LSAMP: variants seen among roughly 807,000 people sequenced by gnomAD.
LSAMP encodes limbic system-associated membrane protein.
In LSAMP, 7 loss-of-function variants were observed where a neutral mutation model predicts 38.6. The observed-to-expected ratio is 0.18, with a 90% CI of 0.10 to 0.34. The LOEUF is 0.34. Among genes scored for constraint, LSAMP ranks in the 10% least tolerant of loss-of-function variants. LSAMP has a pLI of 1.00. For synonymous variants in LSAMP, 154 were observed against 166.8 expected, an observed-to-expected ratio of 0.92 and a Z score of 0.59; for missense variants, 313 against 420.0, an observed-to-expected ratio of 0.75 and a Z score of 2.23.
intron 1 of LSAMP, among the ~76,000 whole-genome samples, chr3:116,164,682 T>TAA (rs1309056596): frequency 2.7e-4 from 32 of 119,472 alleles, no homozygotes; most frequent in Non-Finnish European, 3.9e-4. Context: ...TATATATATA[T>TAA]AATCCAAATA....
chr3:116,279,053 T>C (rs1436921733), intron 1 of LSAMP, among the ~76,000 whole-genome samples: 3 of 152,238 alleles, frequency 2.0e-5, no homozygotes, highest in African/African-American at 7.2e-5. Context: ...AACATTCTTT[T>C]TGCTAGTACT....
intron 1 of LSAMP, among the ~76,000 whole-genome samples, chr3:116,435,171 G>A (rs963060343): frequency 2.0e-5 from 3 of 152,172 alleles, no homozygotes; most frequent in Non-Finnish European, 4.4e-5. Flanking sequence ...TAACCTTCAA[G>A]TCATCCCTGG....
intron 3 of LSAMP, among the ~76,000 whole-genome samples, chr3:115,870,279 G>T (rs1004860364): frequency 6.6e-6 from 1 of 152,166 alleles, no homozygotes; most frequent in African/African-American, 2.4e-5. Flanking sequence ...GCTCTAACAT[G>T]CAAGTCTGAA....
chr3:115,870,023 A>G (rs1366374454), intron 3 of LSAMP, among the ~76,000 whole-genome samples: 1 of 152,098 alleles, frequency 6.6e-6, no homozygotes, highest in African/African-American at 2.4e-5. Flanking sequence ...TGCATTTTTA[A>G]AGTTAAAAAA....
intron 1 of LSAMP, among the ~76,000 whole-genome samples, chr3:116,269,768 G>GTTCT (rs2046944879): frequency 6.6e-6 from 1 of 152,096 alleles, no homozygotes; most frequent in African/African-American, 2.4e-5. Context: ...AAGGCACATG[G>GTTCT]TTCTTTGTTT....
intron 1 of LSAMP, among the ~76,000 whole-genome samples, chr3:116,338,976 G>A (rs548247226): frequency 2.0e-5 from 3 of 152,118 alleles, no homozygotes; most frequent in South Asian, 2.1e-4. Context: ...TAGTTTCAGC[G>A]AAGACTTTGT....
intron 6 of LSAMP, among the ~76,000 whole-genome samples, chr3:115,813,018 GTTATATAC>G (rs1316228163): frequency 1.3e-5 from 2 of 151,952 alleles, no homozygotes; most frequent in Non-Finnish European, 2.9e-5. Flanking sequence ...CAAAGTATAT[GTTATATAC>G]TTATATATGC....
intron 6 of LSAMP, among the ~76,000 whole-genome samples, chr3:115,830,120 A>G (rs1576120723): frequency 6.6e-6 from 1 of 152,216 alleles, no homozygotes; most frequent in Non-Finnish European, 1.5e-5. Flanking sequence ...GTAATTATCC[A>G]TGATTAATAG....
At chr3:116,084,483 C>T (rs529001335) in intron 2 of LSAMP, among the ~76,000 whole-genome samples, 8 of 148,194 alleles carry the variant, frequency 5.4e-5, no homozygotes, top group Middle Eastern at 3.5e-3. Flanking sequence ...CAAAAAAAAC[C>T]AAAAAACTCC....
At chr3:116,271,132 T>C (rs1257584102) in intron 1 of LSAMP, among the ~76,000 whole-genome samples, 1 of 152,090 alleles carries the variant, frequency 6.6e-6, no homozygotes, top group African/African-American at 2.4e-5. Context: ...GGAAATTAAT[T>C]CAAGACTTAA....
chr3:115,901,813 T>C (rs904456384), intron 3 of LSAMP, among the ~76,000 whole-genome samples: 9 of 152,154 alleles, frequency 5.9e-5, no homozygotes, highest in Non-Finnish European at 2.9e-5. Context: ...AATATCACAC[T>C]TTACAAGTAA....
chr3:116,068,197 T>A (rs1256556905), intron 2 of LSAMP, among the ~76,000 whole-genome samples: 1 of 152,216 alleles, frequency 6.6e-6, no homozygotes, highest in Admixed American at 6.5e-5. Context: ...AGCAGATCAA[T>A]GAAAGTTGCA....
At chr3:116,286,616 G>A (rs1227733523) in intron 1 of LSAMP, among the ~76,000 whole-genome samples, 1 of 152,100 alleles carries the variant, frequency 6.6e-6, no homozygotes, top group Admixed American at 6.5e-5. Flanking sequence ...TTTTTGGTCT[G>A]TCTTTCCATC....
chr3:115,818,481 C>G lies in LSAMP; in HGVS notation c.920-8067G>C, dbSNP rs1442581743. On this transcript the variant is annotated intron_variant, in intron 6 of 6. Transcript: ENST00000490035. The stretch of plus-strand genomic sequence containing the variant: ...TCTGCTGAAAGCTTTCTCTTCACCT[C>G]TCTTTGCGTCAGTTTCATCATCTCT... Among the ~76,000 whole-genome samples the G allele has an allele frequency of 3.3e-5, 5 of 152,142 alleles. No homozygotes were observed. The South Asian group carries it at 8.3e-4, about 25-fold the overall frequency.
intron 1 of LSAMP, among the ~76,000 whole-genome samples, chr3:116,275,772 C>CTAAT (rs112710051): frequency 0.017 from 2,572 of 152,262 alleles, 63 homozygotes; most frequent in African/African-American, 0.058. Context: ...ATTTCCATCT[C>CTAAT]TAATTCCTAC....
intron 1 of LSAMP, among the ~76,000 whole-genome samples, chr3:116,355,484 A>G (rs1031690762): frequency 6.6e-6 from 1 of 152,194 alleles, no homozygotes; most frequent in Non-Finnish European, 1.5e-5. Flanking sequence ...CTATGAAATT[A>G]CTAAAGAAAA....
chr3:115,839,262 TTTCCTTCCTTCCTTCCTTCC>T (rs1192339424), intron 6 of LSAMP, among the ~76,000 whole-genome samples: 303 of 78,688 alleles, frequency 3.9e-3, no homozygotes, highest in Middle Eastern at 0.019. Flanking sequence ...TCCTTCTTTC[TTTCCTTCCTTCCTTCCTTCC>T]TTCCTTCCTT....
At chr3:115,987,408 A>G (rs1316212767) in intron 3 of LSAMP, among the ~76,000 whole-genome samples, 1 of 152,200 alleles carries the variant, frequency 6.6e-6, no homozygotes, top group Non-Finnish European at 1.5e-5. Context: ...AGAATGATAC[A>G]TACAGGACTG....
At chr3:116,426,461 C>CA (rs34278703) in intron 1 of LSAMP, among the ~76,000 whole-genome samples, 17 of 85,512 alleles carry the variant, frequency 2.0e-4, no homozygotes, top group African/African-American at 6.6e-4. Flanking sequence ...AACTCCGTCT[C>CA]AAAAAAAAAA....
Sources: allele counts gnomAD v4.1 joint callset (sites outside exome capture counted in the v4.1 genomes callset), GRCh38; gene constraint gnomAD v4.1.1; transcripts MANE v1.5; gene names NCBI Gene and HGNC (gene_info 2026-07-23, HGNC 2026-07-21).